The following ELOVL4 variants were observed in gnomAD, a reference collection of about 807,000 sequenced individuals.
ELOVL4 encodes ELOVL fatty acid elongase 4.
ELOVL4 carries 18 observed loss-of-function variants against 42.1 expected under a neutral mutation model. The ratio of observed to expected loss-of-function variants is 0.43; its 90% CI spans 0.30 to 0.63. ELOVL4 has a LOEUF of 0.63. Ranked by LOEUF, ELOVL4 falls within the 30% of genes least tolerant of loss-of-function variation. The pLI, the probability that ELOVL4 is intolerant of heterozygous loss-of-function variation, is 0.15. For synonymous variants in ELOVL4, 117 were observed against 127.0 expected (o/e 0.92, Z 0.53); for missense variants, 299 against 376.2 (o/e 0.79, Z 1.70).
rs1324363705 is a variant in ELOVL4, at chr6:79,915,473, C to A, written c.*1135G>T. 1 of 152,506 alleles carries A rather than the reference C, an allele frequency of 6.6e-6. No individual in the cohort carries two copies. Among genetic ancestry groups the A allele is most frequent in the Non-Finnish European group, 1.5e-5 (1 of 67,978 alleles). The allele number at this position is 152,506 out of a possible 1,614,324, so 9.4% of individuals were successfully genotyped here. A position where few individuals can be genotyped will look rare whatever the true frequency, so the allele number is the denominator to read the frequency against. ...TTCATACCTAGTTAATAAATAAGAT[C>A]TTGCAACTTAGTCACAAGGAAAACG... On this transcript the variant is annotated 3_prime_UTR_variant, in exon 6 of 6. Transcript: ENST00000369816.
At chr6:79,929,235 C>T (rs1453399402) in intron 1 of ELOVL4, among the ~76,000 whole-genome samples, 1 of 151,978 alleles carries the variant, frequency 6.6e-6, no homozygotes, top group African/African-American at 2.4e-5. Flanking sequence ...CAGCCCATTT[C>T]TTTTCTTTTC....
At chr6:79,919,399 C>A (rs200665739) in intron 5 of ELOVL4, 21 bp downstream of exon 5, 9 of 1,613,056 alleles carry the variant, frequency 5.6e-6, no homozygotes, top group Non-Finnish European at 7.6e-6. Flanking sequence ...CCAGAAGAAA[C>A]TTTGGAAGCA....
At chr6:79,942,801 G>A (rs186995264) in intron 1 of ELOVL4, among the ~76,000 whole-genome samples, 2 of 152,274 alleles carry the variant, frequency 1.3e-5, no homozygotes, top group Non-Finnish European at 2.9e-5. Context: ...ATGGATAAGA[G>A]CATTAGCTAT....
chr6:79,919,843 C>G (rs1049447296), intron 4 of ELOVL4, among the ~76,000 whole-genome samples: 12 of 152,102 alleles, frequency 7.9e-5, no homozygotes, highest in African/African-American at 2.4e-4. Context: ...TAAATAGGCC[C>G]TTAGAACTGT....
Position 79,925,036 on chromosome 6 carries a change from GA to G in ELOVL4, c.289-5del. 6.4e-7 allele frequency: 1 copy of G among 1,574,762 alleles called. No homozygotes were observed. The highest frequency in any genetic ancestry group is 8.7e-7 in the Non-Finnish European group (1 of 1,144,924). On this transcript the variant is annotated splice_polypyrimidine_tract_variant and splice_region_variant and intron_variant, in intron 2 of 5. Coordinates refer to ENST00000369816, the MANE Select transcript of ELOVL4 (RefSeq NM_022726.4). ...CATTATATGATCCCATGAATAACTG[GA>G]AAAAGAGTAATAATATTTGTAGTAA...
intron 5 of ELOVL4, among the ~76,000 whole-genome samples, chr6:79,918,749 T>C (rs1197286474): frequency 2.0e-5 from 3 of 152,236 alleles, no homozygotes; most frequent in Non-Finnish European, 2.9e-5. Context: ...GCCTAGCATC[T>C]GAAAGGTACA....
At chr6:79,922,249 G>A (rs907351492) in intron 3 of ELOVL4, among the ~76,000 whole-genome samples, 4 of 151,982 alleles carry the variant, frequency 2.6e-5, no homozygotes, top group Non-Finnish European at 5.9e-5. Context: ...CTGCCTGTCT[G>A]CCCACCCTCT....
At position 79,932,295 on chromosome 6, in the gene ELOVL4, C is replaced by G. The variant is rs1047902204; in HGVS notation, c.101-5914G>C. Among the ~76,000 whole-genome samples, 5 of 152,060 alleles carry G rather than the reference C, an allele frequency of 3.3e-5. No homozygotes were observed. The South Asian group carries it at 6.2e-4, about 19-fold the overall frequency. ...GTGGCTCACGCCTGTAATCCCAGCA[C>G]TTTGGGAGGCCGAGGCAGGCGAATC... On this transcript the variant is annotated intron_variant, in intron 1 of 5. Coordinates refer to ENST00000369816, the MANE Select transcript of ELOVL4 (RefSeq NM_022726.4).
chr6:79,935,334 C>A (rs1346407009), intron 1 of ELOVL4, among the ~76,000 whole-genome samples: 3 of 151,842 alleles, frequency 2.0e-5, no homozygotes. Flanking sequence ...GTAAGCTAAG[C>A]TAATAAAGTT....
At chr6:79,921,893 G>T in intron 3 of ELOVL4, 97 bp from the exon 4 acceptor site, 1 of 1,175,638 alleles carries the variant, frequency 8.5e-7, no homozygotes, top group Non-Finnish European at 1.2e-6. Flanking sequence ...TTTGTATATT[G>T]CACAAAATGT....
Position 79,935,462 on chromosome 6 carries a change from G to T in ELOVL4, c.101-9081C>A, listed in dbSNP as rs562490824. ...ACAGTAGGAAATCATCTTAGATGATGGCAAGGGGAGTCACATGGAGTAGAG... is the reference window on the plus strand; with the variant it reads ...ACAGTAGGAAATCATCTTAGATGATTGCAAGGGGAGTCACATGGAGTAGAG... On this transcript the variant is annotated intron_variant, in intron 1 of 5. Transcript: ENST00000369816. 4.6e-5 allele frequency among the ~76,000 whole-genome samples: 7 copies of T among 152,290 alleles called. No homozygotes were observed. In the East Asian group the frequency reaches 9.7e-4, roughly 21 times the overall value.
At chr6:79,935,394 C>T (rs1198917144) in intron 1 of ELOVL4, among the ~76,000 whole-genome samples, 2 of 152,010 alleles carry the variant, frequency 1.3e-5, no homozygotes, top group Non-Finnish European at 2.9e-5. Context: ...AATTTTAGAA[C>T]ACCCAAACCC....
chr6:79,947,048 C>T, intron 1 of ELOVL4, 132 bp downstream of exon 1: 1 of 756,222 alleles, frequency 1.3e-6, no homozygotes, highest in Non-Finnish European at 2.2e-6. Flanking sequence ...GCGCCGGCCC[C>T]TCCGCTGATC....
chr6:79,916,964 C>T lies in ELOVL4; in HGVS notation c.670-81G>A. 9.0e-6 allele frequency: 14 copies of T among 1,548,692 alleles called. No homozygotes were observed. In the South Asian group the frequency reaches 1.4e-4, roughly 15 times the overall value. ...AACAACATCGGCATCTTCTACATAG[C>T]TATCACAGGCCCAAATTTTGCCACA... On this transcript the variant is annotated intron_variant, in intron 5 of 5. Transcript: ENST00000369816.
chr6:79,934,768 G>A (rs151110726), intron 1 of ELOVL4, among the ~76,000 whole-genome samples: 199 of 152,268 alleles, frequency 1.3e-3, no homozygotes, highest in African/African-American at 4.5e-3. Flanking sequence ...GTGAGGAATA[G>A]AACAACATGT....
intron 4 of ELOVL4, among the ~76,000 whole-genome samples, chr6:79,919,815 G>A (rs546440902): frequency 6.6e-5 from 10 of 152,192 alleles, no homozygotes; most frequent in Admixed American, 1.3e-4. Flanking sequence ...GTTTTCAAAT[G>A]GAGTACTCCA....
At position 79,924,970 on chromosome 6, in the gene ELOVL4, A is replaced by T. The variant is rs148018494; in HGVS notation, c.351T>A (p.Asn117Lys). The T allele has an allele frequency of 3.5e-4, 554 of 1,605,108 alleles. No homozygotes were observed. The highest frequency in any genetic ancestry group is 4.4e-4 in the Non-Finnish European group (513 of 1,171,906). ...SYICQSVDYS[N>K]NVHEVRIAAA... ...TACTTACCCTGACTTCATGAACATT[A>T]TTAGAATAATCCACACTCTGGCAAA... Residue 117 changes from asparagine to lysine, a missense_variant, in exon 3 of 6, where the codon AAT becomes AAA. By Grantham distance (94) the Asn-to-Lys change is moderately conservative (BLOSUM62 0). Coordinates refer to ENST00000369816, the MANE Select transcript of ELOVL4 (RefSeq NM_022726.4).
At chr6:79,937,758 C>G (rs1774571274) in intron 1 of ELOVL4, among the ~76,000 whole-genome samples, 1 of 152,186 alleles carries the variant, frequency 6.6e-6, no homozygotes, top group Non-Finnish European at 1.5e-5. Context: ...AACTCTGTTA[C>G]TTTCTAGCTA....
intron 4 of ELOVL4, 151 bp from the exon 5 acceptor site, chr6:79,919,698 A>G (rs1774219988): frequency 4.2e-6 from 3 of 711,980 alleles, no homozygotes; most frequent in Non-Finnish European, 4.5e-6. Flanking sequence ...TACTAATGAA[A>G]AAGTTTTCCC....
Sources: allele counts gnomAD v4.1 joint callset (sites outside exome capture counted in the v4.1 genomes callset), GRCh38; gene constraint gnomAD v4.1.1; transcripts MANE v1.5; gene names NCBI Gene and HGNC (gene_info 2026-07-23, HGNC 2026-07-21).